TCERG1L: variants seen among roughly 807,000 people sequenced by gnomAD.
TCERG1L encodes transcription elongation regulator 1 like, also known as transcription elongation regulator 1-like protein.
A neutral mutation model predicts 56.3 loss-of-function variants in TCERG1L; 37 were observed. The observed-to-expected ratio is 0.66, with a 90% confidence interval of 0.51 to 0.87. TCERG1L has a LOEUF of 0.87. Ranked by LOEUF, TCERG1L falls within the 40% of genes least tolerant of loss-of-function variation. TCERG1L has a pLI of 0.00. For missense variants in TCERG1L, 799 were observed against 774.2 expected (o/e 1.03, Z -0.38); for synonymous variants, 324 against 326.3 (o/e 0.99, Z 0.08).
chr10:131,237,034 G>A (rs1399388044), intron 4 of TCERG1L, among the ~76,000 whole-genome samples: 1 of 151,888 alleles, frequency 6.6e-6, no homozygotes, highest in African/African-American at 2.4e-5. Context: ...GAAAGTCCTA[G>A]GAATCCCTAG....
intron 8 of TCERG1L, among the ~76,000 whole-genome samples, chr10:131,123,685 G>A (rs549962712): frequency 9.2e-5 from 14 of 152,044 alleles, no homozygotes; most frequent in African/African-American, 1.9e-4. Context: ...CTTAGCGCTC[G>A]CTTCTCTGCT....
intron 6 of TCERG1L, among the ~76,000 whole-genome samples, chr10:131,148,363 T>C (rs368496793): frequency 2.2e-5 from 1 of 46,416 alleles, no homozygotes; most frequent in Non-Finnish European, 8.1e-5. Context: ...GAGACACACA[T>C]GCACACAGAC....
chr10:131,146,377 C>A, intron 7 of TCERG1L, 129 bp downstream of exon 7: 2 of 1,067,928 alleles, frequency 1.9e-6, no homozygotes, highest in Non-Finnish European at 2.6e-6. Context: ...ACTCTGCAAT[C>A]GGGCACAGGA....
chr10:131,137,852 C>T (rs1274884383), intron 7 of TCERG1L, among the ~76,000 whole-genome samples: 2 of 152,182 alleles, frequency 1.3e-5, no homozygotes, highest in Non-Finnish European at 2.9e-5. Flanking sequence ...ACAACGGCAG[C>T]ATAGCAAGCT....
intron 3 of TCERG1L, among the ~76,000 whole-genome samples, chr10:131,265,478 C>T (rs1238178141): frequency 3.9e-5 from 6 of 152,168 alleles, no homozygotes; most frequent in Non-Finnish European, 8.8e-5. Context: ...TATCATAAAA[C>T]TTCTGCCCAG....
At position 131,146,568 on chromosome 10, in the gene TCERG1L, C is replaced by A. The variant is rs750665045; in HGVS notation, c.1127G>T (p.Arg376Leu). 5.0e-6 allele frequency: 8 copies of A among 1,613,762 alleles called. No homozygotes were observed. The highest frequency in any genetic ancestry group is 1.7e-5 in the Admixed American group (1 of 59,994). Reference protein sequence around the residue: ...VWEKPMDLKDRGDLNRIIEDP... With the variant: ...VWEKPMDLKDLGDLNRIIEDP... ...CTCAATGATCCTGTTGAGGTCTCCG[C>A]GGTCCTTCAGGTCCATGGGCTTCTC... The change falls in exon 7 of 12, where the codon CGC (arginine) becomes CTC (leucine). Residue 376 changes from arginine (R) to leucine (L), a missense_variant. Arg to Leu is a moderately radical substitution (Grantham distance 102). Coordinates refer to ENST00000368642, the MANE Select transcript of TCERG1L (RefSeq NM_174937.4).
chr10:131,197,707 C>A (rs549747525), intron 4 of TCERG1L, among the ~76,000 whole-genome samples: 6 of 152,230 alleles, frequency 3.9e-5, no homozygotes, highest in African/African-American at 1.4e-4. Context: ...CCAGCCAGAG[C>A]CGACCTGAGG....
chr10:131,306,786 A>T (rs1323432421), intron 3 of TCERG1L, among the ~76,000 whole-genome samples: 2 of 152,234 alleles, frequency 1.3e-5, no homozygotes, highest in African/African-American at 4.8e-5. Flanking sequence ...AATGATGTCC[A>T]TAAGATGGAA....
intron 11 of TCERG1L, 112 bp from the exon 12 acceptor site, chr10:131,093,430 C>T: frequency 7.5e-7 from 1 of 1,332,666 alleles, no homozygotes; most frequent in Non-Finnish European, 1.0e-6. Flanking sequence ...CCAGGCCTGG[C>T]CGTGGGTGGC....
chr10:131,259,933 G>A (rs983169400), intron 4 of TCERG1L, among the ~76,000 whole-genome samples: 1 of 152,212 alleles, frequency 6.6e-6, no homozygotes, highest in Non-Finnish European at 1.5e-5. Context: ...ACTTCCTGGG[G>A]TGCTTGCACT....
intron 4 of TCERG1L, among the ~76,000 whole-genome samples, chr10:131,243,782 G>C (rs976371759): frequency 6.6e-6 from 1 of 152,130 alleles, no homozygotes; most frequent in Non-Finnish European, 1.5e-5. Flanking sequence ...GATGCACAAG[G>C]GACACATTAT....
At chr10:131,109,265 CA>C (rs1187505741) in intron 9 of TCERG1L, among the ~76,000 whole-genome samples, 3 of 152,208 alleles carry the variant, frequency 2.0e-5, no homozygotes, top group Non-Finnish European at 4.4e-5. Flanking sequence ...CCCTTTCCTG[CA>C]GAAGTTTGTG....
At chr10:131,257,844 G>C (rs1846189525) in intron 4 of TCERG1L, among the ~76,000 whole-genome samples, 1 of 152,184 alleles carries the variant, frequency 6.6e-6, no homozygotes, top group Non-Finnish European at 1.5e-5. Context: ...TGAGGTTACT[G>C]ACTTTTATAT....
Position 131,269,930 on chromosome 10 carries a change from C to T in TCERG1L, c.671-9486G>A, listed in dbSNP as rs190816121. ...GGCAGGTGAAGCCTCGCACCAAACC[C>T]GCAACCCACAGAGAGCCCACGGAGC... On this transcript the variant is annotated intron_variant, in intron 3 of 11. Coordinates refer to ENST00000368642, the MANE Select transcript of TCERG1L (RefSeq NM_174937.4). Among the ~76,000 whole-genome samples, 24 of 152,268 alleles carry T rather than the reference C, an allele frequency of 1.6e-4. No individual in the cohort carries two copies. In the East Asian group the frequency reaches 2.7e-3, roughly 17 times the overall value.
chr10:131,307,852 G>A (rs930822207), intron 3 of TCERG1L, among the ~76,000 whole-genome samples: 1 of 151,878 alleles, frequency 6.6e-6, no homozygotes, highest in Non-Finnish European at 1.5e-5. Context: ...CTTGCACGTC[G>A]CCACAGAGAG....
intron 8 of TCERG1L, among the ~76,000 whole-genome samples, chr10:131,121,542 A>ACAGG (rs1176903832): frequency 3.3e-5 from 5 of 152,242 alleles, no homozygotes; most frequent in African/African-American, 1.2e-4. Flanking sequence ...AATTTGATGA[A>ACAGG]CAGGCCTCCT....
At chr10:131,289,317 C>T (rs1460180694) in intron 3 of TCERG1L, among the ~76,000 whole-genome samples, 2 of 143,594 alleles carry the variant, frequency 1.4e-5, no homozygotes, top group African/African-American at 5.1e-5. Flanking sequence ...TTTTCATATA[C>T]TTATGGCATG....
intron 4 of TCERG1L, among the ~76,000 whole-genome samples, chr10:131,211,427 T>C (rs2918123): frequency 0.94 from 143,468 of 152,284 alleles, 67,909 homozygotes; most frequent in Non-Finnish European, 0.99. Flanking sequence ...CTACAACCCC[T>C]TTCCCGGTGT....
At chr10:131,240,454 C>T (rs555280658) in intron 4 of TCERG1L, among the ~76,000 whole-genome samples, 8 of 152,150 alleles carry the variant, frequency 5.3e-5, no homozygotes, top group Non-Finnish European at 1.2e-4. Context: ...GGATTCTGGG[C>T]TCTTTTATAA....
Sources: gnomAD v4.1 joint callset for allele counts (sites outside exome capture counted in the v4.1 genomes callset) on GRCh38, gnomAD v4.1.1 for gene constraint, MANE v1.5 for transcripts, NCBI Gene and HGNC (gene_info 2026-07-23, HGNC 2026-07-21) for gene names.